SPATA6: variants seen among roughly 807,000 people sequenced by gnomAD.
The protein encoded by SPATA6 is spermatogenesis-associated protein 6.
In SPATA6, 56 loss-of-function variants were observed where a neutral mutation model predicts 65.3. The observed-to-expected ratio is 0.86, with a 90% CI of 0.69 to 1.07. The LOEUF (loss-of-function observed/expected upper bound fraction) is 1.07. Ranked by LOEUF, SPATA6 falls within the 50% of genes least tolerant of loss-of-function variation. The probability of loss-of-function intolerance (pLI) is 0.00; values close to 1 mark genes in which losing one functional copy is unlikely to be tolerated. For missense variants in SPATA6, 590 were observed against 594.8 expected (o/e 0.99, Z 0.08); for synonymous variants, 199 against 213.2 (o/e 0.93, Z 0.58).
chr1:48,272,694 T>C, the SPATA6 span, among the ~76,000 whole-genome samples: 2 of 152,320 alleles, frequency 1.3e-5, no homozygotes, highest in African/African-American at 4.8e-5. Context: ...TTTGAATATA[T>C]ACCCAGAAGT....
chr1:48,461,745 G>A (rs997956082), intron 1 of SPATA6, among the ~76,000 whole-genome samples: 1 of 152,164 alleles, frequency 6.6e-6, no homozygotes, highest in African/African-American at 2.4e-5. Context: ...CACTGTTGGT[G>A]GGACTGTAAA....
chr1:48,394,703 T>C (rs962420110), intron 8 of SPATA6, among the ~76,000 whole-genome samples: 1 of 152,038 alleles, frequency 6.6e-6, no homozygotes, highest in African/African-American at 2.4e-5. Context: ...TCTATGACTT[T>C]CTCAGTATGT....
At chr1:48,317,679 A>G (rs1156403421) in intron 11 of SPATA6, among the ~76,000 whole-genome samples, 2 of 152,216 alleles carry the variant, frequency 1.3e-5, no homozygotes, top group African/African-American at 4.8e-5. Context: ...AAGTAAAAAA[A>G]AAATAAAAAA....
chr1:48,442,813 C>T (rs186701727), intron 3 of SPATA6, among the ~76,000 whole-genome samples: 37 of 150,178 alleles, frequency 2.5e-4, no homozygotes, highest in Non-Finnish European at 1.8e-4. Context: ...AAGGTCTTCT[C>T]TGCAACCCTG....
chr1:48,310,541 C>A (rs1307203950), intron 11 of SPATA6, among the ~76,000 whole-genome samples: 1 of 152,084 alleles, frequency 6.6e-6, no homozygotes, highest in Non-Finnish European at 1.5e-5. Flanking sequence ...TGTGAGAGCC[C>A]CCTAGGACTC....
intron 9 of SPATA6, among the ~76,000 whole-genome samples, chr1:48,375,485 T>A (rs1242178416): frequency 6.6e-6 from 1 of 152,160 alleles, no homozygotes; most frequent in Non-Finnish European, 1.5e-5. Context: ...CCTGGGTCAC[T>A]TGTCAAAATA....
intron 3 of SPATA6, among the ~76,000 whole-genome samples, chr1:48,417,725 G>T (rs1361820111): frequency 6.6e-6 from 1 of 152,092 alleles, no homozygotes; most frequent in Non-Finnish European, 1.5e-5. Context: ...TTGGGAGGCT[G>T]AAGCAGGAGA....
the SPATA6 span, among the ~76,000 whole-genome samples, chr1:48,284,638 G>T: frequency 6.6e-6 from 1 of 152,172 alleles, no homozygotes; most frequent in African/African-American, 2.4e-5. Context: ...TTTTGTTGAT[G>T]GTGATGCTAT....
intron 8 of SPATA6, 102 bp downstream of exon 8, chr1:48,395,165 A>G (rs1311313578): frequency 1.1e-5 from 9 of 836,850 alleles, no homozygotes; most frequent in Non-Finnish European, 1.6e-5. Context: ...ATATTATCCA[A>G]TAATGTAACA....
At chr1:48,381,743 G>A (rs544330146) in intron 9 of SPATA6, among the ~76,000 whole-genome samples, 14 of 132,432 alleles carry the variant, frequency 1.1e-4, no homozygotes, top group Non-Finnish European at 1.7e-4. Flanking sequence ...GGTGTTTCTC[G>A]CAGAGGGGGA....
chr1:48,444,287 C>A (rs1234366632), intron 3 of SPATA6, among the ~76,000 whole-genome samples: 2 of 149,364 alleles, frequency 1.3e-5, no homozygotes, highest in East Asian at 4.0e-4. Context: ...ACTCTGTCTA[C>A]CAAAAGGATT....
chr1:48,401,715 G>A (rs886851015), intron 6 of SPATA6, among the ~76,000 whole-genome samples: 3 of 152,052 alleles, frequency 2.0e-5, no homozygotes, highest in African/African-American at 7.2e-5. Flanking sequence ...ATCTGCCACT[G>A]TTCAACATGT....
chr1:48,402,754 T>G (rs1651289610), intron 6 of SPATA6: 1 of 152,180 alleles, frequency 6.6e-6, no homozygotes, highest in Non-Finnish European at 1.5e-5. Flanking sequence ...CTCTGGGCTT[T>G]ACATATTATT....
chr1:48,277,386 C>A, the SPATA6 span, among the ~76,000 whole-genome samples: 2 of 152,218 alleles, frequency 1.3e-5, no homozygotes, highest in Admixed American at 6.5e-5. Context: ...CATTGCCTCA[C>A]TTGGGAAGCG....
intron 3 of SPATA6, among the ~76,000 whole-genome samples, chr1:48,450,340 GAAAAA>G (rs35798267): frequency 7.2e-6 from 1 of 138,002 alleles, no homozygotes; most frequent in African/African-American, 2.7e-5. Flanking sequence ...GAGAGCCCAA[GAAAAA>G]AAAAAAAAAA....
At chr1:48,314,186 C>T (rs573333504) in intron 11 of SPATA6, among the ~76,000 whole-genome samples, 117 of 152,290 alleles carry the variant, frequency 7.7e-4, no homozygotes, top group Middle Eastern at 3.4e-3. Context: ...CTGCACCAAG[C>T]AGACCTAATA....
intron 3 of SPATA6, among the ~76,000 whole-genome samples, chr1:48,437,722 T>C (rs1441472415): frequency 6.6e-6 from 1 of 152,182 alleles, no homozygotes; most frequent in Non-Finnish European, 1.5e-5. Context: ...TTAATACTTA[T>C]GGTAACACCT....
At chr1:48,293,863 T>G (rs766757320), downstream of SPATA6, among the ~76,000 whole-genome samples, 17 of 152,192 alleles carry the variant, frequency 1.1e-4, no homozygotes, top group Non-Finnish European at 2.2e-4. Flanking sequence ...TTTCTGTTTA[T>G]CTCTGGGTTA....
At chr1:48,330,705 G>A (rs1357336612) in intron 11 of SPATA6, among the ~76,000 whole-genome samples, 1 of 152,234 alleles carries the variant, frequency 6.6e-6, no homozygotes, top group Non-Finnish European at 1.5e-5. Context: ...AAGCCTGAAA[G>A]GCAGGGCTGG....
Sources: allele counts gnomAD v4.1 joint callset (sites outside exome capture counted in the v4.1 genomes callset), GRCh38; gene constraint gnomAD v4.1.1; transcripts MANE v1.5; gene names NCBI Gene and HGNC (gene_info 2026-07-23, HGNC 2026-07-21).